The following BRD4 variants were observed in gnomAD, a reference collection of about 807,000 sequenced individuals.
BRD4 encodes the protein bromodomain-containing protein 4.
BRD4 carries 16 observed loss-of-function variants against 142.1 expected under a neutral mutation model. The ratio of observed to expected loss-of-function variants is 0.11; its 90% CI spans 0.08 to 0.17. The LOEUF (loss-of-function observed/expected upper bound fraction) is 0.17, where lower values mean the gene tolerates loss of function less well. Ranked by LOEUF, BRD4 falls within the 10% of genes least tolerant of loss-of-function variation. The pLI is 1.00. For missense variants in BRD4, 1,424 were observed against 1,810.9 expected, an observed-to-expected ratio of 0.79 and a Z score of 3.88; for synonymous variants, 833 against 707.5, an observed-to-expected ratio of 1.18 and a Z score of -2.82.
intron 14 of BRD4, among the ~76,000 whole-genome samples, chr19:15,240,403 C>T (rs1465336537): frequency 6.6e-6 from 1 of 152,166 alleles, no homozygotes; most frequent in East Asian, 1.9e-4. Flanking sequence ...GGCCTGGGCC[C>T]TAATACTTTT....
In BRD4 at chr19:15,239,241, G is replaced by A; in HGVS notation, c.3600C>T (p.Gly1200=). Residue 1200 remains glycine, a synonymous_variant, in exon 18 of 20, where the codon GGC becomes GGT. Coordinates refer to ENST00000679869, the MANE Select transcript of BRD4 (RefSeq NM_001379291.1). The surrounding 1 kb of genome is among the most constrained non-coding windows in gnomAD (Gnocchi z 7.4). ...PKKDLKIKNM[G]SWASLVQKHP... is the part of the protein sequence containing the mutation. ...GCTTCTGCACTAGGCTGGCCCAGGA[G>A]CCCATGTTCTTGATTTTCAGGTCCT... The A allele has an allele frequency of 6.2e-7, 1 of 1,613,140 alleles. No individual in the cohort carries two copies. Among genetic ancestry groups the A allele is most frequent in the Non-Finnish European group, 8.5e-7 (1 of 1,179,846 alleles).
chr19:15,264,911 C>T lies in BRD4; in HGVS notation c.850-145G>A, dbSNP rs1340465295. 5 of 1,317,988 alleles carry T rather than the reference C, an allele frequency of 3.8e-6. No individual in the cohort carries two copies. In the East Asian group the frequency reaches 1.2e-4, roughly 31 times the overall value. 81.6% of individuals were successfully genotyped at this position (1,317,988 alleles called of 1,614,324 possible). A position where few individuals can be genotyped will look rare whatever the true frequency, so the allele number is the denominator to read the frequency against. On this transcript the variant is annotated intron_variant, in intron 5 of 19. Coordinates refer to ENST00000679869, the MANE Select transcript of BRD4 (RefSeq NM_001379291.1). Reference sequence around the variant, plus strand: ...CAAAGATAATTGCACAGGCAAAGGGCCAAGGACAGGCAGATCGTGTCCCAC... The same window carrying T: ...CAAAGATAATTGCACAGGCAAAGGGTCAAGGACAGGCAGATCGTGTCCCAC...
intron 7 of BRD4, among the ~76,000 whole-genome samples, chr19:15,261,164 G>T (rs566692816): frequency 6.6e-6 from 1 of 152,178 alleles, no homozygotes; most frequent in African/African-American, 2.4e-5. Flanking sequence ...CACTGCCACC[G>T]GGTGGCCCTG....
intron 1 of BRD4, among the ~76,000 whole-genome samples, chr19:15,329,080 C>G (rs78734646): frequency 7.0e-6 from 1 of 143,852 alleles, no homozygotes; most frequent in South Asian, 2.2e-4. Flanking sequence ...GCGCATTCTG[C>G]TTTTTTTTTT....
In BRD4 at chr19:15,277,789, C is replaced by CCAAAACAAAA. The variant is rs370368371; in HGVS notation, c.-34-4666_-34-4657dup. On this transcript the variant is annotated intron_variant, in intron 1 of 19. Transcript: ENST00000679869. The stretch of plus-strand genomic sequence containing the variant: ...TGGGCAACACAGCAAGACTCCGTCT[C>CCAAAACAAAA]CAAAACAAAACAAAACAAAACAAAA... 6.9e-3 allele frequency among the ~76,000 whole-genome samples: 1,027 copies of CCAAAACAAAA among 149,528 alleles called. 8 individuals are homozygous for CCAAAACAAAA. Among genetic ancestry groups the CCAAAACAAAA allele is most frequent in the Non-Finnish European group, 8.7e-3 (587 of 67,418 alleles).
intron 11 of BRD4, among the ~76,000 whole-genome samples, chr19:15,252,215 C>T (rs569666676): frequency 1.3e-5 from 2 of 152,326 alleles, no homozygotes; most frequent in South Asian, 4.1e-4. Flanking sequence ...AGGCCATGAT[C>T]ACACACTGGA....
chr19:15,322,340 C>T (rs1266984287), intron 1 of BRD4, among the ~76,000 whole-genome samples: 2 of 151,988 alleles, frequency 1.3e-5, no homozygotes, highest in Non-Finnish European at 2.9e-5. Flanking sequence ...GACACGATCT[C>T]GGCTCACTGC....
chr19:15,314,198 C>G (rs62113852), intron 1 of BRD4, among the ~76,000 whole-genome samples: 13,882 of 152,232 alleles, frequency 0.091, 786 homozygotes, highest in Middle Eastern at 0.15. Flanking sequence ...GTCCTGCTCC[C>G]AAAACCCTGC....
chr19:15,301,670 G>A (rs976951466), intron 1 of BRD4, among the ~76,000 whole-genome samples: 10 of 151,528 alleles, frequency 6.6e-5, no homozygotes, highest in African/African-American at 2.4e-4. Context: ...GACCATCCTG[G>A]CTAACACAGT....
At chr19:15,291,767 A>C (rs958872227) in intron 1 of BRD4, among the ~76,000 whole-genome samples, 1 of 152,194 alleles carries the variant, frequency 6.6e-6, no homozygotes, top group Non-Finnish European at 1.5e-5. Flanking sequence ...AAACGACTGA[A>C]TATGCCTTTG....
At chr19:15,285,085 G>A (rs1001781830) in intron 1 of BRD4, among the ~76,000 whole-genome samples, 1 of 152,204 alleles carries the variant, frequency 6.6e-6, no homozygotes, top group African/African-American at 2.4e-5. Context: ...TGCCACAAGG[G>A]AGCCTTGGAT....
In BRD4 at chr19:15,251,462, C is replaced by G. The variant is rs1473147987; in HGVS notation, c.2158+2690G>C. On this transcript the variant is annotated intron_variant, in intron 11 of 19. Transcript: ENST00000679869. ...ACGGGGGGGGGGGGGGGGGCGGGGG[C>G]GCGGGCCTGCAAATCAACTAGGCAC... is the stretch of plus-strand genomic sequence containing the variant. Among the ~76,000 whole-genome samples the G allele has an allele frequency of 1.6e-3, 91 of 56,632 alleles. No homozygotes were observed. Among genetic ancestry groups the G allele is most frequent in the Admixed American group, 3.6e-3 (14 of 3,910 alleles). The allele number at this position is 56,632 out of a possible 152,430, so 37.2% of individuals were successfully genotyped here. A position where few individuals can be genotyped will look rare whatever the true frequency, so the allele number is the denominator to read the frequency against.
In BRD4 at chr19:15,256,631, A is replaced by G. The variant is rs181683040; in HGVS notation, c.1551+333T>C. Among the ~76,000 whole-genome samples the G allele has an allele frequency of 1.6e-3, 243 of 152,294 alleles. 4 individuals are homozygous for G. The highest frequency in any genetic ancestry group is 5.7e-3 in the African/African-American group (238 of 41,568). The stretch of plus-strand genomic sequence containing the variant: ...CACGAAGGGCCTGATGACTGGCTAT[A>G]GGGAGAGGAGCAAACAGGTAGCCCC... On this transcript the variant is annotated intron_variant, in intron 8 of 19. Transcript: ENST00000679869.
chr19:15,317,619 G>GGGTGGTGGT (rs551558159), intron 1 of BRD4, among the ~76,000 whole-genome samples: 1 of 151,832 alleles, frequency 6.6e-6, no homozygotes, highest in Non-Finnish European at 1.5e-5. Flanking sequence ...GGTGGGCAAG[G>GGGTGGTGGT]GGTGGTGGTG....
chr19:15,242,621 CCACCTAGCAAGAAGT>C (rs2047247148), intron 14 of BRD4, among the ~76,000 whole-genome samples: 1 of 152,136 alleles, frequency 6.6e-6, no homozygotes, highest in African/African-American at 2.4e-5. Flanking sequence ...CCTAGCTTCC[CCACCTAGCAAGAAGT>C]CACCTAGCAT....
chr19:15,328,731 A>AG (rs1568415045), intron 1 of BRD4, among the ~76,000 whole-genome samples: 2 of 152,216 alleles, frequency 1.3e-5, no homozygotes, highest in Admixed American at 6.5e-5. Flanking sequence ...AAACAGGCAA[A>AG]GCCAAGCAAA....
At chr19:15,254,077 G>A (rs2047379551) in intron 11 of BRD4, 75 bp downstream of exon 11, 7 of 1,278,852 alleles carry the variant, frequency 5.5e-6, no homozygotes, top group Non-Finnish European at 7.9e-6. Flanking sequence ...CTAGCATCCT[G>A]GACACAGGAC....
intron 7 of BRD4, among the ~76,000 whole-genome samples, chr19:15,257,910 T>C (rs749967283): frequency 8.5e-5 from 13 of 152,114 alleles, no homozygotes; most frequent in Non-Finnish European, 1.6e-4. Flanking sequence ...AGCAATCAGA[T>C]GGAACCACGT....
At chr19:15,253,846 G>GC in intron 11 of BRD4, 1 of 1,394,904 alleles carries the variant, frequency 7.2e-7, no homozygotes, top group Non-Finnish European at 9.8e-7. Context: ...AGTCCTCATG[G>GC]CCCAGCTTCC....
Sources: allele counts gnomAD v4.1 joint callset (sites outside exome capture counted in the v4.1 genomes callset), GRCh38; gene constraint gnomAD v4.1.1; non-coding constraint Gnocchi (gnomAD v3.1); transcripts MANE v1.5; gene names NCBI Gene and HGNC (gene_info 2026-07-23, HGNC 2026-07-21).